The following STS variants were observed in gnomAD, a reference collection of about 807,000 sequenced individuals.
The protein encoded by STS is steroid sulfatase, also known as steryl-sulfatase.
A neutral mutation model predicts 26.8 loss-of-function variants in STS; 7 were observed. The observed-to-expected ratio is 0.26, with a 90% CI of 0.15 to 0.49. The LOEUF (loss-of-function observed/expected upper bound fraction) is 0.49, where lower values mean the gene tolerates loss of function less well. Among genes scored for constraint, STS ranks in the 20% least tolerant of loss-of-function variants. STS has a pLI of 0.98. For missense variants in STS, 434 were observed against 465.6 expected (o/e 0.93, Z 0.63); for synonymous variants, 199 against 189.4 (o/e 1.05, Z -0.42).
Position 7,207,161 on chromosome X carries a change from G to C in STS, c.-5+16153G>C, listed in dbSNP as rs775964199. Among the ~76,000 whole-genome samples the C allele has an allele frequency of 4.5e-5, 5 of 111,839 alleles. No homozygotes were observed. The South Asian group carries it at 1.9e-3, about 42-fold the overall frequency. On this transcript the variant is annotated intron_variant, in intron 2 of 10. Coordinates refer to ENST00000674429, the MANE Select transcript of STS (RefSeq NM_001320752.2). ...GCTGAGATTGTACCACTGCACTTCA[G>C]CCTGGGCAACTGAGTGGCACCCTGT...
At chrX:7,279,311 A>ATGTG (rs532132394) in intron 7 of STS, among the ~76,000 whole-genome samples, 17,270 of 77,796 alleles carry the variant, frequency 0.22, 2,072 homozygotes, top group Middle Eastern at 0.29. Flanking sequence ...ATATATATAT[A>ATGTG]TGTGTGTGTG....
At chrX:7,148,104 G>A (rs1325314659) in intron 1 of STS, 21 bp downstream of exon 1, 5 of 1,129,838 alleles carry the variant, frequency 4.4e-6, no homozygotes, top group Admixed American at 2.8e-5. Context: ...GGCTGCGGGG[G>A]CGCCGCCATG....
intron 8 of STS, among the ~76,000 whole-genome samples, chrX:7,323,884 G>A (rs1927207159): frequency 9.0e-6 from 1 of 110,736 alleles, no homozygotes; most frequent in Non-Finnish European, 1.9e-5. Context: ...AAAGTCAGCA[G>A]CATAGCATCT....
chrX:7,180,236 C>T (rs1449774948), intron 1 of STS, among the ~76,000 whole-genome samples: 1 of 111,431 alleles, frequency 9.0e-6, no homozygotes, highest in African/African-American at 3.3e-5. Context: ...CATAATGTAG[C>T]TGAGCTTGTT....
intron 9 of STS, among the ~76,000 whole-genome samples, chrX:7,331,766 A>T (rs1344158657): frequency 9.1e-6 from 1 of 110,407 alleles, no homozygotes; most frequent in Non-Finnish European, 1.9e-5. Flanking sequence ...TCCATTTTTC[A>T]TGGCAGAAAT....
rs1928884362 is a variant in STS at position 7,353,446 on chromosome X, TTTATA to T, written c.*3187_*3191del. On this transcript the variant is annotated 3_prime_UTR_variant, in exon 11 of 11. Coordinates refer to ENST00000674429, the MANE Select transcript of STS (RefSeq NM_001320752.2). ...AAATAGTATGTTAATATGTTTTTACTTTATATATTTATATATTAAAATATATTTAA... is the reference window on the plus strand; with the variant it reads ...AAATAGTATGTTAATATGTTTTTACTTATTTATATATTAAAATATATTTAA... 9.0e-6 allele frequency: 1 copy of T among 110,643 alleles called. No homozygotes were observed. Among genetic ancestry groups the T allele is most frequent in the African/African-American group, 3.3e-5 (1 of 30,542 alleles). 9.1% of individuals were successfully genotyped at this position (110,643 alleles called of 1,213,427 possible).
chrX:7,187,161 T>C (rs180987484), intron 1 of STS, among the ~76,000 whole-genome samples: 169 of 112,350 alleles, frequency 1.5e-3, no homozygotes, highest in African/African-American at 5.2e-3. Context: ...GACATCTAAG[T>C]TGCTACCACA....
At chrX:7,259,885 C>T (rs1763976296) in intron 6 of STS, 113 bp downstream of exon 6, 14 of 990,773 alleles carry the variant, frequency 1.4e-5, no homozygotes, top group South Asian at 1.4e-4. Context: ...GTGGTTTGTT[C>T]GTTTTTTTGA....
chrX:7,271,408 A>G (rs570772399), intron 6 of STS, among the ~76,000 whole-genome samples: 1 of 110,623 alleles, frequency 9.0e-6, no homozygotes, highest in East Asian at 2.9e-4. Flanking sequence ...CTTTCCCCAT[A>G]ATAAGTAGGA....
intron 1 of STS, among the ~76,000 whole-genome samples, chrX:7,163,274 T>C (rs140578537): frequency 1.2e-3 from 138 of 111,962 alleles, no homozygotes; most frequent in African/African-American, 4.3e-3. Flanking sequence ...TCTCCAGATA[T>C]CACCAGATGT....
chrX:7,215,349 A>G (rs1271725863), intron 2 of STS, among the ~76,000 whole-genome samples: 1 of 109,855 alleles, frequency 9.1e-6, no homozygotes, highest in East Asian at 2.9e-4. Flanking sequence ...CCAGGGTTCC[A>G]TTCAATGCTC....
intron 2 of STS, among the ~76,000 whole-genome samples, chrX:7,208,173 A>G (rs761049084): frequency 2.7e-5 from 3 of 112,693 alleles, no homozygotes; most frequent in East Asian, 2.8e-4. Context: ...GCATTAAGCT[A>G]TTTCTCTCCA....
chrX:7,318,240 T>C (rs1926804464), intron 8 of STS, among the ~76,000 whole-genome samples: 1 of 111,604 alleles, frequency 9.0e-6, no homozygotes, highest in African/African-American at 3.3e-5. Flanking sequence ...CCCTCTGAGT[T>C]CCTCTAAACT....
At chrX:7,159,844 C>T (rs749914079) in intron 1 of STS, among the ~76,000 whole-genome samples, 52 of 111,982 alleles carry the variant, frequency 4.6e-4, no homozygotes, top group African/African-American at 1.6e-3. Context: ...ATGATAGATT[C>T]GCTGATTACT....
chrX:7,343,011 G>A (rs1330705736), intron 10 of STS, among the ~76,000 whole-genome samples: 5 of 110,903 alleles, frequency 4.5e-5, no homozygotes, highest in African/African-American at 1.6e-4. Flanking sequence ...CTTACTGAGG[G>A]GGCAGGCCTA....
intron 2 of STS, among the ~76,000 whole-genome samples, chrX:7,237,398 C>A (rs995247889): frequency 3.6e-5 from 4 of 111,567 alleles, no homozygotes; most frequent in Middle Eastern, 4.2e-3. Context: ...GATCCACCCA[C>A]CTCGGCCTCA....
At chrX:7,292,319 T>C (rs1322298791) in intron 7 of STS, among the ~76,000 whole-genome samples, 1 of 112,340 alleles carries the variant, frequency 8.9e-6, no homozygotes, top group African/African-American at 3.2e-5. Context: ...ACACAGCTCT[T>C]GTAGACAGGA....
chrX:7,309,156 G>T (rs1926360563), intron 8 of STS, among the ~76,000 whole-genome samples: 1 of 111,339 alleles, frequency 9.0e-6, no homozygotes, highest in African/African-American at 3.3e-5. Flanking sequence ...CTTCATCAAT[G>T]ACAGAGTGGA....
At chrX:7,175,308 A>G (rs1020904771) in intron 1 of STS, among the ~76,000 whole-genome samples, 4 of 110,692 alleles carry the variant, frequency 3.6e-5, no homozygotes, top group Admixed American at 9.7e-5. Context: ...AAATGTGGCG[A>G]AACCCTGGCT....
Sources: gnomAD v4.1 joint callset for allele counts (sites outside exome capture counted in the v4.1 genomes callset) on GRCh38, gnomAD v4.1.1 for gene constraint, MANE v1.5 for transcripts, NCBI Gene and HGNC (gene_info 2026-07-23, HGNC 2026-07-21) for gene names.